Variants in GABRB2 observed in about 807,000 individuals in gnomAD.
The protein encoded by GABRB2 is gamma-aminobutyric acid receptor subunit beta-2.
Under a neutral mutation model 54.7 loss-of-function variants are expected in GABRB2, and 16 were observed. The ratio of observed to expected loss-of-function variants is 0.29; its 90% confidence interval spans 0.20 to 0.44. GABRB2 has a LOEUF of 0.44. Among genes scored for constraint, GABRB2 ranks in the 20% least tolerant of loss-of-function variants. The probability of loss-of-function intolerance (pLI) is 1.00; values close to 1 mark genes in which losing one functional copy is unlikely to be tolerated. For synonymous variants in GABRB2, 244 were observed against 233.8 expected (o/e 1.04, Z -0.40); for missense variants, 355 against 644.0 (o/e 0.55, Z 4.86).
intron 2 of GABRB2, 129 bp from the exon 3 acceptor site, chr5:161,545,423 T>A: frequency 1.8e-5 from 7 of 394,264 alleles, no homozygotes; most frequent in East Asian, 4.1e-5. Context: ...TTTTCAATTC[T>A]CTGCTTTTTT....
rs181948353 is a variant in GABRB2, at chr5:161,529,828, A to G, written c.237+15399T>C. 6.6e-5 allele frequency among the ~76,000 whole-genome samples: 10 copies of G among 152,240 alleles called. No homozygotes were observed. The East Asian group carries it at 1.7e-3, about 26-fold the overall frequency. On this transcript the variant is annotated intron_variant, in intron 3 of 9. Coordinates refer to ENST00000393959, the MANE Select transcript of GABRB2 (RefSeq NM_001371727.1). ...AGAGAGAATTTACATGTATTTTGAT[A>G]TTTGTATTCCGTATTATTTAAATCC...
intron 3 of GABRB2, among the ~76,000 whole-genome samples, chr5:161,482,394 G>A (rs1347169985): frequency 1.3e-5 from 2 of 152,058 alleles, no homozygotes; most frequent in African/African-American, 2.4e-5. Context: ...TACCTGTGAC[G>A]ATTTTCAAAG....
At chr5:161,350,497 A>G (rs1051603744) in intron 5 of GABRB2, among the ~76,000 whole-genome samples, 4 of 152,168 alleles carry the variant, frequency 2.6e-5, no homozygotes, top group African/African-American at 9.6e-5. Flanking sequence ...AGACCTGTAC[A>G]CAGAAAGCTA....
chr5:161,334,621 G>A (rs1365503849), intron 7 of GABRB2, 131 bp downstream of exon 7: 8 of 835,002 alleles, frequency 9.6e-6, no homozygotes, highest in East Asian at 5.2e-5. Context: ...GTCTCATAGC[G>A]AAACTCTTAC....
chr5:161,491,939 T>C (rs538765760), intron 3 of GABRB2, among the ~76,000 whole-genome samples: 5 of 151,754 alleles, frequency 3.3e-5, no homozygotes, highest in Admixed American at 1.3e-4. Flanking sequence ...AATAGCATCA[T>C]GTGAACTGCT....
chr5:161,318,154 A>C (rs1448872143), intron 9 of GABRB2, among the ~76,000 whole-genome samples: 2 of 152,046 alleles, frequency 1.3e-5, no homozygotes, highest in Non-Finnish European at 2.9e-5. Context: ...AGAAAACAAT[A>C]TGGTCACTGT....
Position 161,326,451 on chromosome 5 carries a change from T to A in GABRB2, c.1108A>T (p.Thr370Ser). 1.2e-6 allele frequency: 2 copies of A among 1,613,542 alleles called. No homozygotes were observed. Among genetic ancestry groups the A allele is most frequent in the East Asian group, 4.5e-5 (2 of 44,852 alleles). Residue 370 changes from threonine to serine, a missense_variant, in exon 9 of 10, where the codon ACC becomes TCC. By Grantham distance (58) the Thr-to-Ser change is moderately conservative (BLOSUM62 1). Coordinates refer to ENST00000393959, the MANE Select transcript of GABRB2 (RefSeq NM_001371727.1). ...GGGTCCCACAAGGATCGATATTGGG[T>A]CCCATTTTGTTTAATATCTTTATAA... ...IFYKDIKQNGTQYRSLWDPTG... is the reference protein window; with the variant it reads ...IFYKDIKQNGSQYRSLWDPTG...
At chr5:161,509,290 T>G (rs1355121596) in intron 3 of GABRB2, among the ~76,000 whole-genome samples, 1 of 152,020 alleles carries the variant, frequency 6.6e-6, no homozygotes. Context: ...AGCTTTCCAC[T>G]AATATTTCTA....
intron 5 of GABRB2, among the ~76,000 whole-genome samples, chr5:161,381,330 C>T (rs1222129009): frequency 6.6e-6 from 1 of 152,150 alleles, no homozygotes; most frequent in Non-Finnish European, 1.5e-5. Flanking sequence ...CCATCACTCT[C>T]AGCAGCACTA....
chr5:161,544,509 C>T (rs766656501), intron 3 of GABRB2, among the ~76,000 whole-genome samples: 2 of 152,196 alleles, frequency 1.3e-5, no homozygotes, highest in Non-Finnish European at 2.9e-5. Flanking sequence ...TAGTTGGGAA[C>T]ACAGGCTTTT....
chr5:161,394,682 C>T (rs1426838098), intron 5 of GABRB2, among the ~76,000 whole-genome samples: 1 of 151,854 alleles, frequency 6.6e-6, no homozygotes, highest in African/African-American at 2.4e-5. Context: ...TTTTAAAGTC[C>T]CATATCTGTT....
intron 4 of GABRB2, among the ~76,000 whole-genome samples, chr5:161,454,335 T>C (rs1757884885): frequency 6.6e-6 from 1 of 152,188 alleles, no homozygotes; most frequent in Non-Finnish European, 1.5e-5. Context: ...TGGCTGCAGA[T>C]ACCTGGTTCC....
intron 3 of GABRB2, among the ~76,000 whole-genome samples, chr5:161,522,729 T>G (rs1294551433): frequency 6.6e-6 from 1 of 151,570 alleles, no homozygotes; most frequent in East Asian, 1.9e-4. Context: ...AGGTCACTCA[T>G]GAGTGAGTAG....
chr5:161,453,581 C>A (rs974677030), intron 4 of GABRB2, among the ~76,000 whole-genome samples: 6 of 152,152 alleles, frequency 3.9e-5, no homozygotes, highest in South Asian at 2.1e-4. Context: ...GACTTCCCAG[C>A]CTGCAGAACT....
chr5:161,318,834 C>A (rs1758121585), intron 9 of GABRB2, among the ~76,000 whole-genome samples: 2 of 151,872 alleles, frequency 1.3e-5, no homozygotes, highest in East Asian at 3.8e-4. Flanking sequence ...ATAAATTTTA[C>A]CTTTAAAAAA....
chr5:161,338,324 T>C (rs114874330), intron 5 of GABRB2, among the ~76,000 whole-genome samples: 1,816 of 152,278 alleles, frequency 0.012, 21 homozygotes, highest in Non-Finnish European at 0.021. Context: ...CCTCCGGATA[T>C]AGTTAATGAT....
At chr5:161,374,323 C>T (rs1443921842) in intron 5 of GABRB2, among the ~76,000 whole-genome samples, 1 of 152,182 alleles carries the variant, frequency 6.6e-6, no homozygotes, top group African/African-American at 2.4e-5. Flanking sequence ...TCAAACTTAA[C>T]ATGCTCAAAA....
chr5:161,523,037 T>TAA (rs1431468238), intron 3 of GABRB2, among the ~76,000 whole-genome samples: 52 of 151,598 alleles, frequency 3.4e-4, no homozygotes, highest in Non-Finnish European at 3.0e-5. Flanking sequence ...AGTAAATCAT[T>TAA]TAATTTTTGG....
At chr5:161,535,207 G>A (rs1014137929) in intron 3 of GABRB2, among the ~76,000 whole-genome samples, 2 of 151,960 alleles carry the variant, frequency 1.3e-5, no homozygotes, top group African/African-American at 2.4e-5. Context: ...TTATTGCTTG[G>A]TTTAAATTGT....
Sources: gnomAD v4.1 joint callset for allele counts (sites outside exome capture counted in the v4.1 genomes callset) on GRCh38, gnomAD v4.1.1 for gene constraint, MANE v1.5 for transcripts, NCBI Gene and HGNC (gene_info 2026-07-23, HGNC 2026-07-21) for gene names.